The following CEP95 variants were observed in gnomAD, a reference collection of about 807,000 sequenced individuals.
CEP95 encodes the protein centrosomal protein 95.
CEP95 carries 98 observed loss-of-function variants against 111.2 expected under a neutral mutation model. The observed-to-expected ratio is 0.88, with a 90% CI of 0.75 to 1.04. The LOEUF is 1.04. CEP95 is among the 50% of genes least tolerant of loss of function. The pLI is 0.00. For synonymous variants in CEP95, 323 were observed against 327.1 expected, an observed-to-expected ratio of 0.99 and a Z score of 0.14; for missense variants, 1,027 against 977.2, an observed-to-expected ratio of 1.05 and a Z score of -0.68.
chr17:64,529,585 T>C (rs1184907450), intron 12 of CEP95, among the ~76,000 whole-genome samples, 158 bp downstream of exon 12: 13 of 152,194 alleles, frequency 8.5e-5, no homozygotes, highest in African/African-American at 3.1e-4. Context: ...GCTTATGTCT[T>C]TGTTAGCATA....
At position 64,537,064 on chromosome 17, in the gene CEP95, A is replaced by C; in HGVS notation, c.2241A>C (p.Ile747=). ...AGTTTTCATTGCTGGCAGAAGCCATATCACAGGAACATCAAGAACTTAAAG... is the reference window on the plus strand; with the variant it reads ...AGTTTTCATTGCTGGCAGAAGCCATCTCACAGGAACATCAAGAACTTAAAG... ...KDQFSLLAEA[I]SQEHQELKAR... The change falls in exon 19 of 20, where the codon ATA becomes ATC. Residue 747 remains isoleucine (I), a synonymous_variant. Coordinates refer to ENST00000556440, the MANE Select transcript of CEP95 (RefSeq NM_138363.3). 1 of 1,613,060 alleles carries C rather than the reference A, an allele frequency of 6.2e-7. No homozygotes were observed. Among genetic ancestry groups the C allele is most frequent in the Non-Finnish European group, 8.5e-7 (1 of 1,179,434 alleles).
chr17:64,508,813 C>T (rs1356006737), intron 2 of CEP95, 93 bp downstream of exon 2: 2 of 473,374 alleles, frequency 4.2e-6, no homozygotes, highest in East Asian at 4.4e-5. Context: ...TATAAAATTT[C>T]ATTTTCTCTT....
intron 14 of CEP95, chr17:64,532,395 C>T (rs1052778421): frequency 3.0e-6 from 3 of 985,254 alleles, no homozygotes; most frequent in Non-Finnish European, 2.4e-6. Context: ...TTGACAGTGC[C>T]AATGAGTGTA....
chr17:64,516,455 A>C (rs1470119393), intron 4 of CEP95, among the ~76,000 whole-genome samples: 5 of 152,208 alleles, frequency 3.3e-5, no homozygotes, highest in African/African-American at 1.2e-4. Flanking sequence ...AAAATATTGA[A>C]TGGACCTGCC....
At chr17:64,512,882 C>T (rs1555675451) in intron 3 of CEP95, among the ~76,000 whole-genome samples, 2 of 152,120 alleles carry the variant, frequency 1.3e-5, no homozygotes, top group African/African-American at 4.8e-5. Flanking sequence ...GTTAAACATA[C>T]TATAGCAGGG....
intron 1 of CEP95, chr17:64,507,912 C>G: frequency 2.0e-6 from 2 of 985,388 alleles, no homozygotes; most frequent in Non-Finnish European, 2.4e-6. Flanking sequence ...TTAAACTTTG[C>G]AAATCCCAGC....
chr17:64,512,406 T>C (rs2038943780), intron 3 of CEP95, among the ~76,000 whole-genome samples: 1 of 152,242 alleles, frequency 6.6e-6, no homozygotes, highest in Non-Finnish European at 1.5e-5. Flanking sequence ...TTTTCTGTAA[T>C]TAAATCTCCA....
At position 64,529,342 on chromosome 17, in the gene CEP95, C is replaced by T; in HGVS notation, c.1361C>T (p.Pro454Leu). 1.2e-6 allele frequency: 2 copies of T among 1,613,830 alleles called. No homozygotes were observed. The highest frequency in any genetic ancestry group is 1.7e-6 in the Non-Finnish European group (2 of 1,179,794). The change falls in exon 12 of 20, where the codon CCA becomes CTA. Residue 454 changes from proline to leucine, a missense_variant. Pro to Leu is a moderately conservative substitution (Grantham distance 98). Transcript: ENST00000556440. ...AGATCCCATTCGCTCTCTCCATCTCCAGTTAACAAACACAAACAGTTCCAC... is the reference window on the plus strand; with the variant it reads ...AGATCCCATTCGCTCTCTCCATCTCTAGTTAACAAACACAAACAGTTCCAC... Reference protein sequence around the residue: ...PYRSHSLSPSPVNKHKQFHLE... With the variant: ...PYRSHSLSPSLVNKHKQFHLE...
chr17:64,517,350 GT>G (rs1295314613), intron 5 of CEP95, among the ~76,000 whole-genome samples: 1 of 151,926 alleles, frequency 6.6e-6, no homozygotes, highest in East Asian at 1.9e-4. Flanking sequence ...CCTGGTCCCT[GT>G]TTTTCTCTTA....
At chr17:64,510,420 AT>A in intron 3 of CEP95, 140 bp downstream of exon 3, 1 of 625,582 alleles carries the variant, frequency 1.6e-6, no homozygotes, top group Non-Finnish European at 2.9e-6. Flanking sequence ...CAATCAACTG[AT>A]AGAGGTCAGG....
At chr17:64,510,137 A>T (rs1555674430) in intron 2 of CEP95, 36 bp from the exon 3 acceptor site, 1 of 1,295,250 alleles carries the variant, frequency 7.7e-7, no homozygotes, top group South Asian at 1.3e-5. Flanking sequence ...TTGGCCTCTC[A>T]TGGATACAAA....
rs1340376607 is a variant in CEP95, at chr17:64,519,396, A to G, written c.549A>G (p.Arg183=). 6.2e-6 allele frequency: 10 copies of G among 1,613,696 alleles called. No individual in the cohort carries two copies. The highest frequency in any genetic ancestry group is 8.5e-6 in the Non-Finnish European group (10 of 1,179,730). Residue 183 remains arginine, a synonymous_variant, in exon 6 of 20, where the codon AGA becomes AGG. Transcript: ENST00000556440. ...CAGAATCCACTGGTGAAATCATTAG[A>G]CTTGGAGACACAGCACACACCTTTT... ...DEAESTGEII[R]LGDTAHTFSL...
In CEP95 at chr17:64,527,184, A is replaced by G. The variant is rs782793249; in HGVS notation, c.1226A>G (p.Glu409Gly). 1.9e-6 allele frequency: 3 copies of G among 1,613,652 alleles called. No individual in the cohort carries two copies. Among genetic ancestry groups the G allele is most frequent in the Non-Finnish European group, 2.5e-6 (3 of 1,179,584 alleles). ...DHKEENTGNE[E>G]VEDGTEETLS... ...AAAGAAGAAAATACTGGAAATGAGG[A>G]GGTAGAGGATGGAACTGAGGAGACA... The change falls in exon 11 of 20, where the codon GAG (glutamate) becomes GGG (glycine). Residue 409 changes from glutamate (E) to glycine (G), a missense_variant. Physicochemically the swap from Glu to Gly is moderately conservative, Grantham distance 98. Transcript: ENST00000556440.
intron 3 of CEP95, among the ~76,000 whole-genome samples, chr17:64,511,499 G>A (rs534144953): frequency 2.6e-4 from 40 of 152,282 alleles, no homozygotes; most frequent in Middle Eastern, 3.4e-3. Flanking sequence ...TGTTCCGCCC[G>A]GCTCACCAAC....
chr17:64,537,831 G>C lies in CEP95; in HGVS notation c.*52G>C. 1 of 1,187,964 alleles carries C rather than the reference G, an allele frequency of 8.4e-7. No individual in the cohort carries two copies. The highest frequency in any genetic ancestry group is 1.1e-6 in the Non-Finnish European group (1 of 882,358). The allele number at this position is 1,187,964 out of a possible 1,614,324, so 73.6% of individuals were successfully genotyped here. A position where few individuals can be genotyped will look rare whatever the true frequency, so the allele number is the denominator to read the frequency against. On this transcript the variant is annotated 3_prime_UTR_variant, in exon 20 of 20. Transcript: ENST00000556440. The stretch of plus-strand genomic sequence containing the variant: ...GGTTCTGGAGGCCTTTACCAGGACA[G>C]AGCTAGAATCGAGCCAGTAAACAGT...
intron 16 of CEP95, 79 bp from the exon 17 acceptor site, chr17:64,534,506 G>A (rs528338696): frequency 7.8e-7 from 1 of 1,288,454 alleles, no homozygotes; most frequent in East Asian, 2.3e-5. Flanking sequence ...TCGTGATGGG[G>A]AGTGAGGCAG....
chr17:64,534,399 T>C (rs1447592377), intron 16 of CEP95, 186 bp from the exon 17 acceptor site: 9 of 556,378 alleles, frequency 1.6e-5, no homozygotes, highest in East Asian at 6.1e-5. Flanking sequence ...TGGGGTGTTA[T>C]TGGAGCTGCT....
At chr17:64,534,461 C>G (rs1443658217) in intron 16 of CEP95, 124 bp from the exon 17 acceptor site, 2 of 834,968 alleles carry the variant, frequency 2.4e-6, no homozygotes, top group South Asian at 1.8e-5. Context: ...TCTGGGGCCA[C>G]TGGCCCCCCA....
chr17:64,532,083 T>C, intron 14 of CEP95, 61 bp downstream of exon 14: 1 of 1,473,750 alleles, frequency 6.8e-7, no homozygotes, highest in Non-Finnish European at 9.0e-7. Context: ...ATGTGCAACA[T>C]TCCAAGGACA....
Sources: allele counts gnomAD v4.1 joint callset (sites outside exome capture counted in the v4.1 genomes callset), GRCh38; gene constraint gnomAD v4.1.1; transcripts MANE v1.5; gene names NCBI Gene and HGNC (gene_info 2026-07-23, HGNC 2026-07-21).